The following KIRREL3 variants were observed in gnomAD, a reference collection of about 807,000 sequenced individuals.
KIRREL3 encodes kirre like nephrin family adhesion molecule 3, also known as kin of IRRE-like protein 3.
A neutral mutation model predicts 89.7 loss-of-function variants in KIRREL3; 36 were observed. That is an observed-to-expected ratio of 0.40 (90% confidence interval 0.31 to 0.53). The LOEUF (loss-of-function observed/expected upper bound fraction) is 0.53, where lower values mean the gene tolerates loss of function less well. Among genes scored for constraint, KIRREL3 ranks in the 20% least tolerant of loss-of-function variants. The pLI is 0.49. For missense variants in KIRREL3, 864 were observed against 1,056.6 expected (o/e 0.82, Z 2.53); for synonymous variants, 445 against 441.4 (o/e 1.01, Z -0.10).
At chr11:126,713,128 C>T (rs1026706389) in intron 1 of KIRREL3, among the ~76,000 whole-genome samples, 7 of 152,196 alleles carry the variant, frequency 4.6e-5, no homozygotes, top group Non-Finnish European at 7.3e-5. Context: ...GCCCACATTG[C>T]TGATTCCTAA....
At chr11:126,865,736 C>T (rs1044773990) in intron 1 of KIRREL3, among the ~76,000 whole-genome samples, 2 of 152,174 alleles carry the variant, frequency 1.3e-5, no homozygotes, top group Admixed American at 6.5e-5. Context: ...AGAGCAGGGA[C>T]TTGGGTGGAA....
chr11:126,547,938 T>C (rs1310648979), intron 2 of KIRREL3, among the ~76,000 whole-genome samples: 1 of 152,106 alleles, frequency 6.6e-6, no homozygotes, highest in South Asian at 2.1e-4. Context: ...TAGGTGATGA[T>C]CTAATCTGTC....
rs541493202 is a variant in KIRREL3 at position 126,694,352 on chromosome 11, C to T, written c.56-131440G>A. Among the ~76,000 whole-genome samples the T allele has an allele frequency of 4.8e-4, 73 of 152,288 alleles. No homozygotes were observed. Among genetic ancestry groups the T allele is most frequent in the Non-Finnish European group, 9.7e-4 (66 of 68,018 alleles). ...CACTTTTCCATTGTATCCTAGTGAG[C>T]GTGCACCGGAGTTGTGTCTCCCCTG... On this transcript the variant is annotated intron_variant, in intron 1 of 16. Transcript: ENST00000525144. This position sits in a 1 kb window ranked among gnomAD's most constrained non-coding sequence, Gnocchi z 4.4.
intron 1 of KIRREL3, among the ~76,000 whole-genome samples, chr11:126,980,477 G>A (rs1394482423): frequency 6.6e-6 from 1 of 152,136 alleles, no homozygotes; most frequent in Non-Finnish European, 1.5e-5. Context: ...GGAGTAAATT[G>A]TGTACCCTAT....
Position 126,557,116 on chromosome 11 carries a change from G to C in KIRREL3, c.133+5719C>G, listed in dbSNP as rs553565674. On this transcript the variant is annotated intron_variant, in intron 2 of 16. Transcript: ENST00000525144. This position sits in a 1 kb window ranked among gnomAD's most constrained non-coding sequence, Gnocchi z 5.6. ...TGAGAAGTGCTGCCGGTAGCAGGGA[G>C]GCCTGCTCATCCCTGGGTCAGGTCC... 3.6e-4 allele frequency among the ~76,000 whole-genome samples: 55 copies of C among 152,276 alleles called. No homozygotes were observed. Among genetic ancestry groups the C allele is most frequent in the African/African-American group, 1.3e-3 (52 of 41,552 alleles).
At chr11:126,785,403 C>T (rs1011251251) in intron 1 of KIRREL3, among the ~76,000 whole-genome samples, 1 of 152,158 alleles carries the variant, frequency 6.6e-6, no homozygotes, top group African/African-American at 2.4e-5. Flanking sequence ...ATGGTCAGAG[C>T]CTCACTTGTC....
In KIRREL3 at chr11:126,553,443, T is replaced by C. The variant is rs1939445152; in HGVS notation, c.133+9392A>G. 6.6e-6 allele frequency among the ~76,000 whole-genome samples: 1 copy of C among 152,194 alleles called. No homozygotes were observed. The highest frequency in any genetic ancestry group is 1.5e-5 in the Non-Finnish European group (1 of 68,032). The stretch of plus-strand genomic sequence containing the variant: ...ATCTTCCACATAGCCACTGGCAGTC[T>C]CTGTCTCTCTTGCTGGCAGACAGAA... On this transcript the variant is annotated intron_variant, in intron 2 of 16. Coordinates refer to ENST00000525144, the MANE Select transcript of KIRREL3 (RefSeq NM_032531.4). The surrounding 1 kb of genome is among the most constrained non-coding windows in gnomAD (Gnocchi z 4.7).
rs1355327867 is a variant in KIRREL3 at position 126,521,305 on chromosome 11, T to C, written c.433+10A>G. The C allele has an allele frequency of 2.6e-6, 4 of 1,530,882 alleles. No homozygotes were observed. The highest frequency in any genetic ancestry group is 3.5e-6 in the Non-Finnish European group (4 of 1,133,400). 94.8% of individuals were successfully genotyped at this position (1,530,882 alleles called of 1,614,324 possible). A position where few individuals can be genotyped will look rare whatever the true frequency, so the allele number is the denominator to read the frequency against. ...GCAGTGTCCCAGCCCCGTGTGCAGA[T>C]GGTTCTTACCCAGGACTGTGAGGCG... On this transcript the variant is annotated intron_variant, in intron 4 of 16. Transcript: ENST00000525144. This position sits in a 1 kb window ranked among gnomAD's most constrained non-coding sequence, Gnocchi z 4.1.
intron 9 of KIRREL3, 85 bp downstream of exon 9, chr11:126,446,674 A>G: frequency 7.1e-7 from 1 of 1,402,580 alleles, no homozygotes; most frequent in Non-Finnish European, 9.7e-7. Context: ...TCTAATAGTG[A>G]GAGGGGCCTG....
In KIRREL3 at chr11:126,608,117, G is replaced by A. The variant is rs995419086; in HGVS notation, c.56-45205C>T. Among the ~76,000 whole-genome samples, 1 of 152,148 alleles carries A rather than the reference G, an allele frequency of 6.6e-6. No individual in the cohort carries two copies. Among genetic ancestry groups the A allele is most frequent in the African/African-American group, 2.4e-5 (1 of 41,428 alleles). ...CCACCCCACAGGTGGGACAGGGTGG[G>A]CCCAGGTGGAGTCTGAGCTGGGTGC... is the stretch of plus-strand genomic sequence containing the variant. On this transcript the variant is annotated intron_variant, in intron 1 of 16. Transcript: ENST00000525144. This position sits in a 1 kb window ranked among gnomAD's most constrained non-coding sequence, Gnocchi z 4.9.
At chr11:126,974,884 AT>A (rs1949526187) in intron 1 of KIRREL3, among the ~76,000 whole-genome samples, 1 of 151,948 alleles carries the variant, frequency 6.6e-6, no homozygotes, top group South Asian at 2.1e-4. Context: ...TTTTGTATAT[AT>A]TTTTAAAGGC....
chr11:126,449,875 G>A (rs1241515333), intron 7 of KIRREL3, among the ~76,000 whole-genome samples: 3 of 152,210 alleles, frequency 2.0e-5, no homozygotes, highest in African/African-American at 7.2e-5. Context: ...AGTTTCCCTG[G>A]ATGGCACTTG....
intron 1 of KIRREL3, among the ~76,000 whole-genome samples, chr11:126,895,753 C>T (rs1161068870): frequency 2.0e-5 from 3 of 152,124 alleles, no homozygotes; most frequent in African/African-American, 7.2e-5. Flanking sequence ...GGGGTTGGAG[C>T]TTCACAGGGT....
In KIRREL3 at chr11:126,526,618, A is replaced by C; in HGVS notation, c.203T>G (p.Leu68Arg). 6.2e-7 allele frequency: 1 copy of C among 1,604,086 alleles called. No individual in the cohort carries two copies. Among genetic ancestry groups the C allele is most frequent in the Non-Finnish European group, 8.5e-7 (1 of 1,175,508 alleles). ...GCCATCGTATTCGGGGATGGCGCAA[A>C]GTAGCGTCACTGGCTGTCCCGACAC... Reference protein sequence around the residue: ...VVVSGQPVTLLCAIPEYDGFV... With the variant: ...VVVSGQPVTLRCAIPEYDGFV... The change falls in exon 3 of 17, where the codon CTT (leucine) becomes CGT (arginine). Residue 68 changes from leucine (L) to arginine (R), a missense_variant. Transcript: ENST00000525144. The surrounding 1 kb of genome is among the most constrained non-coding windows in gnomAD (Gnocchi z 5.7).
intron 1 of KIRREL3, among the ~76,000 whole-genome samples, chr11:126,809,422 C>G (rs74912100): frequency 2.6e-4 from 40 of 152,066 alleles, no homozygotes; most frequent in Non-Finnish European, 5.3e-4. Context: ...GACCGTGCCC[C>G]CCAAGGATAT....
At chr11:126,936,250 G>C (rs1192427402) in intron 1 of KIRREL3, 1 of 152,116 alleles carries the variant, frequency 6.6e-6, no homozygotes, top group Non-Finnish European at 1.5e-5. Context: ...AACAGATGTT[G>C]GTAAGGATGT....
intron 1 of KIRREL3, among the ~76,000 whole-genome samples, chr11:126,916,625 TC>T (rs1284060475): frequency 6.6e-6 from 1 of 152,144 alleles, no homozygotes; most frequent in Non-Finnish European, 1.5e-5. Context: ...GTCTTTGCTA[TC>T]CCTTAAAAAG....
At chr11:126,885,131 G>A (rs1273865208) in intron 1 of KIRREL3, among the ~76,000 whole-genome samples, 1 of 152,180 alleles carries the variant, frequency 6.6e-6, no homozygotes, top group Non-Finnish European at 1.5e-5. Context: ...GATGCCCACA[G>A]ATGGCCATGG....
intron 1 of KIRREL3, among the ~76,000 whole-genome samples, chr11:126,581,105 A>G (rs1941524022): frequency 6.6e-6 from 1 of 152,142 alleles, no homozygotes; most frequent in Admixed American, 6.5e-5. Flanking sequence ...GGTGGCAGAT[A>G]AAATCAGTGC....
Sources: allele counts gnomAD v4.1 joint callset (sites outside exome capture counted in the v4.1 genomes callset), GRCh38; gene constraint gnomAD v4.1.1; non-coding constraint Gnocchi (gnomAD v3.1); transcripts MANE v1.5; gene names NCBI Gene and HGNC (gene_info 2026-07-23, HGNC 2026-07-21).